The following PPEF1 variants were observed in gnomAD, a reference collection of about 807,000 sequenced individuals.
PPEF1 encodes the protein serine/threonine-protein phosphatase with EF-hands 1.
A neutral mutation model predicts 53.3 loss-of-function variants in PPEF1; 12 were observed. The ratio of observed to expected loss-of-function variants is 0.23; its 90% CI spans 0.14 to 0.36. PPEF1 has a LOEUF of 0.36. Among genes scored for constraint, PPEF1 ranks in the 10% least tolerant of loss-of-function variants. PPEF1 has a pLI of 1.00. For missense variants in PPEF1, 334 were observed against 490.4 expected (o/e 0.68, Z 3.01); for synonymous variants, 165 against 176.7 (o/e 0.93, Z 0.52).
intron 1 of PPEF1, among the ~76,000 whole-genome samples, chrX:18,728,426 T>G (rs2044760725): frequency 9.1e-6 from 1 of 110,459 alleles, no homozygotes; most frequent in Non-Finnish European, 1.9e-5. Context: ...CTATCAGATC[T>G]CATGAGACTT....
chrX:18,704,908 C>T (rs2044164068), upstream of PPEF1, among the ~76,000 whole-genome samples: 1 of 111,436 alleles, frequency 9.0e-6, no homozygotes. Flanking sequence ...AGGTGACACT[C>T]ATATGCAACG....
rs183110335 is a variant in PPEF1 at position 18,764,601 on chromosome X, G to T, written c.558+3025G>T. 2.7e-5 allele frequency among the ~76,000 whole-genome samples: 3 copies of T among 111,697 alleles called. No individual in the cohort carries two copies. In the East Asian group the frequency reaches 8.4e-4, roughly 31 times the overall value. ...AGTGCCATGGGAAAGGTGGAAGGAT[G>T]GACAGGGGATGGGATTTATTTAATT... On this transcript the variant is annotated intron_variant, in intron 6 of 15. Coordinates refer to ENST00000470157, the MANE Select transcript of PPEF1 (RefSeq NM_001377996.1).
intron 14 of PPEF1, 46 bp from the exon 15 acceptor site, chrX:18,825,705 G>A (rs1212187920): frequency 1.2e-6 from 1 of 841,872 alleles, no homozygotes; most frequent in Non-Finnish European, 1.7e-6. Context: ...AGCGATCAGT[G>A]TCATGAATTC....
intron 1 of PPEF1, among the ~76,000 whole-genome samples, chrX:18,719,661 C>G (rs1433453192): frequency 9.0e-6 from 1 of 111,054 alleles, no homozygotes; most frequent in East Asian, 2.8e-4. Flanking sequence ...GATGACAACT[C>G]TTAAGGAACC....
intron 12 of PPEF1, among the ~76,000 whole-genome samples, chrX:18,807,178 C>T (rs1028936632): frequency 1.1e-4 from 12 of 110,561 alleles, no homozygotes; most frequent in African/African-American, 3.3e-4. Context: ...TACAAGGGCC[C>T]GCCACAACAC....
At chrX:18,728,171 GTCTC>G (rs765536452) in intron 1 of PPEF1, among the ~76,000 whole-genome samples, 2 of 106,742 alleles carry the variant, frequency 1.9e-5, no homozygotes, top group African/African-American at 6.9e-5. Flanking sequence ...CTCTCTCTCT[GTCTC>G]TCTCTCTCTC....
chrX:18,753,892 C>T (rs1403269680), intron 4 of PPEF1, among the ~76,000 whole-genome samples: 1 of 111,043 alleles, frequency 9.0e-6, no homozygotes, highest in Admixed American at 9.6e-5. Context: ...GAGAATGTTC[C>T]ATGTGTCCTT....
intron 10 of PPEF1, among the ~76,000 whole-genome samples, chrX:18,801,997 A>G (rs1450646292): frequency 2.7e-5 from 3 of 109,239 alleles, no homozygotes; most frequent in African/African-American, 6.7e-5. Context: ...AAAAAAAAAA[A>G]GAAAAGAAAA....
At chrX:18,718,977 T>TA (rs988442051) in intron 1 of PPEF1, among the ~76,000 whole-genome samples, 4 of 112,136 alleles carry the variant, frequency 3.6e-5, no homozygotes, top group African/African-American at 1.3e-4. Context: ...GAGGGAGACA[T>TA]AAAACAGAAT....
At chrX:18,775,039 C>T (rs1381339023) in intron 6 of PPEF1, among the ~76,000 whole-genome samples, 1 of 110,104 alleles carries the variant, frequency 9.1e-6, no homozygotes, top group Non-Finnish European at 1.9e-5. Context: ...TTATTATTGG[C>T]ATATTAAGTC....
Position 18,723,251 on chromosome X carries a change from C to T in PPEF1, c.47-6930C>T, listed in dbSNP as rs1464213248. 2.7e-5 allele frequency among the ~76,000 whole-genome samples: 3 copies of T among 111,476 alleles called. No homozygotes were observed. The South Asian group carries it at 1.1e-3, about 41-fold the overall frequency. ...CCACCTGCTTCGGCCTCCCAAAGTG[C>T]TGGGGTTACAGGCGTGAGCCACCAT... is the stretch of plus-strand genomic sequence containing the variant. On this transcript the variant is annotated intron_variant, in intron 1 of 15. Transcript: ENST00000470157.
intron 3 of PPEF1, among the ~76,000 whole-genome samples, chrX:18,689,463 G>A (rs934167102): frequency 5.7e-5 from 6 of 104,719 alleles, no homozygotes; most frequent in African/African-American, 2.1e-4. Context: ...GCCTGGGCGC[G>A]ATCATAGCTC....
At chrX:18,700,130 G>A (rs1334430734) in intron 5 of PPEF1, 1 of 111,378 alleles carries the variant, frequency 9.0e-6, no homozygotes, top group Non-Finnish European at 1.9e-5. Flanking sequence ...TCGTGGCTCT[G>A]GGCTTGCCTT....
chrX:18,743,624 ATTT>A (rs1474748694), intron 3 of PPEF1, among the ~76,000 whole-genome samples: 1 of 106,010 alleles, frequency 9.4e-6, no homozygotes, highest in Non-Finnish European at 1.9e-5. Context: ...TAATTTTTGC[ATTT>A]TTAGTAGAAA....
intron 1 of PPEF1, among the ~76,000 whole-genome samples, chrX:18,709,347 G>A (rs1459507923): frequency 8.9e-6 from 1 of 112,069 alleles, no homozygotes. Flanking sequence ...CATATATTAT[G>A]TGACCTTTTG....
At chrX:18,685,871 G>T (rs144634869) in intron 2 of PPEF1, among the ~76,000 whole-genome samples, 19 of 110,990 alleles carry the variant, frequency 1.7e-4, no homozygotes, top group African/African-American at 6.2e-4. Flanking sequence ...TCTCCTGGAC[G>T]TGTTTACAAA....
chrX:18,788,311 A>C (rs1370070451), intron 9 of PPEF1, among the ~76,000 whole-genome samples: 3 of 70,828 alleles, frequency 4.2e-5, no homozygotes, highest in Non-Finnish European at 5.9e-5. Flanking sequence ...TCTCAAAAAA[A>C]AAAAAAAAAA....
chrX:18,708,537 T>C (rs1313182080), intron 1 of PPEF1, among the ~76,000 whole-genome samples: 1 of 112,306 alleles, frequency 8.9e-6, no homozygotes, highest in Non-Finnish European at 1.9e-5. Flanking sequence ...GGACAATTAA[T>C]ATGAGTAATT....
upstream of PPEF1, among the ~76,000 whole-genome samples, chrX:18,705,878 C>T (rs921016077): frequency 9.0e-6 from 1 of 111,637 alleles, no homozygotes; most frequent in African/African-American, 3.3e-5. Context: ...TTTTAGTTTT[C>T]CCTTTCTTCA....
Sources: gnomAD v4.1 joint callset for allele counts (sites outside exome capture counted in the v4.1 genomes callset) on GRCh38, gnomAD v4.1.1 for gene constraint, MANE v1.5 for transcripts, NCBI Gene and HGNC (gene_info 2026-07-23, HGNC 2026-07-21) for gene names.